KAZN: variants seen among roughly 807,000 people sequenced by gnomAD.
KAZN encodes kazrin.
KAZN carries 40 observed loss-of-function variants against 87.4 expected under a neutral mutation model. The observed-to-expected ratio is 0.46, with a 90% CI of 0.36 to 0.60. The LOEUF is 0.60. KAZN is among the 20% of genes least tolerant of loss of function. The probability of loss-of-function intolerance (pLI) is 0.00; values close to 1 mark genes in which losing one functional copy is unlikely to be tolerated. For synonymous variants in KAZN, 466 were observed against 458.3 expected (o/e 1.02, Z -0.22); for missense variants, 898 against 1,073.9 (o/e 0.84, Z 2.29).
chr1:14,961,151 G>A (rs1302641089), intron 2 of KAZN, among the ~76,000 whole-genome samples: 3 of 152,212 alleles, frequency 2.0e-5, no homozygotes, highest in African/African-American at 4.8e-5. Flanking sequence ...TGGGCATCTT[G>A]GCTGGACCAG....
At chr1:15,103,964 C>T in intron 12 of KAZN, 59 bp from the exon 13 acceptor site, 1 of 1,546,604 alleles carries the variant, frequency 6.5e-7, no homozygotes, top group Non-Finnish European at 8.8e-7. Context: ...GAACTGGGGC[C>T]CCCTTAGGCC....
chr1:14,419,201 C>T (rs997192146), intron 2 of KAZN, among the ~76,000 whole-genome samples: 5 of 152,166 alleles, frequency 3.3e-5, no homozygotes, highest in African/African-American at 9.7e-5. Flanking sequence ...TTTGCAGTGA[C>T]GCTGTGAGGA....
intron 1 of KAZN, among the ~76,000 whole-genome samples, chr1:13,911,774 G>T (rs968567248): frequency 2.0e-5 from 3 of 152,092 alleles, no homozygotes; most frequent in Non-Finnish European, 4.4e-5. Context: ...AATAAAAAAT[G>T]TTATAAGGCA....
chr1:14,351,654 G>A (rs1303317136), intron 2 of KAZN, among the ~76,000 whole-genome samples: 7 of 152,164 alleles, frequency 4.6e-5, no homozygotes, highest in Non-Finnish European at 2.9e-5. Context: ...AATAAGCTGA[G>A]GGACGCTGCA....
At chr1:14,714,380 A>G (rs1379475673) in intron 1 of KAZN, among the ~76,000 whole-genome samples, 1 of 151,970 alleles carries the variant, frequency 6.6e-6, no homozygotes, top group Non-Finnish European at 1.5e-5. Flanking sequence ...TGTGTTGGAG[A>G]GGCATTATTA....
At chr1:14,904,519 A>T (rs1417442566) in intron 1 of KAZN, among the ~76,000 whole-genome samples, 1 of 152,166 alleles carries the variant, frequency 6.6e-6, no homozygotes, top group Non-Finnish European at 1.5e-5. Flanking sequence ...AAGATGCGGG[A>T]CGTCCCCCTG....
rs573971854 is a variant in KAZN, at chr1:14,245,052, C to T, written c.249+64460C>T. 8.0e-4 allele frequency among the ~76,000 whole-genome samples: 122 copies of T among 152,112 alleles called. 1 individual carries two copies. Among genetic ancestry groups the T allele is most frequent in the African/African-American group, 2.8e-3 (116 of 41,502 alleles). On this transcript the variant is annotated intron_variant, in intron 2 of 16. Transcript: ENST00000636203. ...CTCGGCTCACTACTGCCTCCACCTC[C>T]CAGCTTCAAGTAATTCTCCTGCCTC...
At chr1:14,900,275 G>T (rs1045183463) in intron 1 of KAZN, among the ~76,000 whole-genome samples, 4 of 152,192 alleles carry the variant, frequency 2.6e-5, no homozygotes, top group Non-Finnish European at 5.9e-5. Flanking sequence ...CTTTCAAGCT[G>T]CCCTGGGAGA....
intron 1 of KAZN, among the ~76,000 whole-genome samples, chr1:13,911,079 C>T (rs945497942): frequency 2.0e-5 from 3 of 152,088 alleles, no homozygotes; most frequent in Non-Finnish European, 2.9e-5. Context: ...GATGGAGTCT[C>T]GCTCTGTCAC....
At chr1:14,981,144 G>C (rs1034493890) in intron 2 of KAZN, among the ~76,000 whole-genome samples, 9 of 152,214 alleles carry the variant, frequency 5.9e-5, no homozygotes, top group Non-Finnish European at 1.2e-4. Context: ...AGAGTAGTTA[G>C]GAGCTGGAGG....
intron 1 of KAZN, among the ~76,000 whole-genome samples, chr1:14,609,193 A>G (rs973882127): frequency 3.9e-5 from 6 of 152,242 alleles, no homozygotes; most frequent in Admixed American, 2.6e-4. Flanking sequence ...AAGAAAAAAC[A>G]GGACTATTCA....
chr1:14,011,349 T>C (rs2223624), intron 1 of KAZN, among the ~76,000 whole-genome samples: 144,320 of 152,270 alleles, frequency 0.95, 68,652 homozygotes, highest in African/African-American at 0.97. Context: ...ATGCCCACTA[T>C]AGGGCCTTTG....
chr1:15,089,522 G>A (rs1239774323), intron 8 of KAZN, among the ~76,000 whole-genome samples: 1 of 152,158 alleles, frequency 6.6e-6, no homozygotes, highest in Non-Finnish European at 1.5e-5. Flanking sequence ...CAGTGCCCAA[G>A]CCCCAGGAGA....
intron 2 of KAZN, among the ~76,000 whole-genome samples, chr1:14,182,289 A>T (rs1369195360): frequency 6.6e-6 from 1 of 152,176 alleles, no homozygotes; most frequent in Non-Finnish European, 1.5e-5. Context: ...GGTGGGTTAC[A>T]TCTTCTTCCT....
At position 15,096,714 on chromosome 1, in the gene KAZN, C is replaced by T. The variant is rs1640822269; in HGVS notation, c.1547+1781C>T. On this transcript the variant is annotated intron_variant, in intron 10 of 14. Transcript: ENST00000376030. The surrounding 1 kb of genome is among the most constrained non-coding windows in gnomAD (Gnocchi z 4.5). ...AGGCAACCTTCTTGCTGTGTCCTCA[C>T]ATGGGGAAGAAGGAAGAGGGAGGGG... is the stretch of plus-strand genomic sequence containing the variant. 6.6e-6 allele frequency among the ~76,000 whole-genome samples: 1 copy of T among 152,202 alleles called. No individual in the cohort carries two copies. The highest frequency in any genetic ancestry group is 2.4e-5 in the African/African-American group (1 of 41,450).
intron 11 of KAZN, among the ~76,000 whole-genome samples, 160 bp downstream of exon 11, chr1:15,101,934 T>C (rs1027902843): frequency 3.3e-5 from 5 of 151,952 alleles, no homozygotes; most frequent in African/African-American, 1.2e-4. Context: ...CGTCCATCCA[T>C]CTACCTACCT....
intron 2 of KAZN, among the ~76,000 whole-genome samples, chr1:15,007,756 C>T (rs536106453): frequency 3.3e-5 from 5 of 152,346 alleles, no homozygotes; most frequent in Admixed American, 2.6e-4. Flanking sequence ...CTGGGAACAG[C>T]GCACTCCTCA....
chr1:15,034,787 A>G lies in KAZN; in HGVS notation c.457A>G (p.Thr153Ala). The G allele has an allele frequency of 6.2e-7, 1 of 1,614,138 alleles. No individual in the cohort carries two copies. Among genetic ancestry groups the G allele is most frequent in the Non-Finnish European group, 8.5e-7 (1 of 1,180,016 alleles). Reference protein sequence around the residue: ...ADRKRLKGEKTDLVSQMQQLY... With the variant: ...ADRKRLKGEKADLVSQMQQLY... ...TCGGAAGCGCTTAAAGGGCGAGAAG[A>G]CAGACCTGGTGAGCCAGATGCAGCA... The change falls in exon 3 of 15, where the codon ACA becomes GCA. Residue 153 changes from threonine to alanine, a missense_variant. Thr to Ala is a moderately conservative substitution (Grantham distance 58). Coordinates refer to ENST00000376030, the MANE Select transcript of KAZN (RefSeq NM_201628.3).
In KAZN at chr1:13,997,172, AT is replaced by A. The variant is rs1639563400; in HGVS notation, c.91+103417del. On this transcript the variant is annotated intron_variant, in intron 1 of 16. Coordinates refer to the KAZN transcript ENST00000636203. ...AACAAACAGCAAAAACAACACCATCATCAACAACAACAACAACAACAACCCC... is the reference window on the plus strand; with the variant it reads ...AACAAACAGCAAAAACAACACCATCACAACAACAACAACAACAACAACCCC... 2.2e-5 allele frequency among the ~76,000 whole-genome samples: 3 copies of A among 136,734 alleles called. No homozygotes were observed. In the South Asian group the frequency reaches 6.8e-4, roughly 31 times the overall value. The allele number at this position is 136,734 out of a possible 152,430, so 89.7% of individuals were successfully genotyped here.
Sources: gnomAD v4.1 joint callset for allele counts (sites outside exome capture counted in the v4.1 genomes callset) on GRCh38, gnomAD v4.1.1 for gene constraint, Gnocchi (gnomAD v3.1) non-coding constraint, MANE v1.5 for transcripts, NCBI Gene and HGNC (gene_info 2026-07-23, HGNC 2026-07-21) for gene names.